The following GOLM2 variants were observed in gnomAD, a reference collection of about 807,000 sequenced individuals.
The protein encoded by GOLM2 is protein GOLM2.
Under a neutral mutation model 55.9 loss-of-function variants are expected in GOLM2, and 26 were observed. The ratio of observed to expected loss-of-function variants is 0.47; its 90% CI spans 0.34 to 0.65. The LOEUF is 0.65. GOLM2 is among the 30% of genes least tolerant of loss of function. The pLI is 0.01. For synonymous variants in GOLM2, 165 were observed against 194.6 expected, an observed-to-expected ratio of 0.85 and a Z score of 1.27; for missense variants, 486 against 531.8, an observed-to-expected ratio of 0.91 and a Z score of 0.85.
intron 8 of GOLM2, among the ~76,000 whole-genome samples, chr15:44,386,790 G>A (rs896358699): frequency 3.3e-5 from 5 of 152,154 alleles, no homozygotes; most frequent in African/African-American, 1.2e-4. Context: ...AGGATTGCTT[G>A]AGCCCAGGAG....
chr15:44,379,815 A>G (rs1469171302), intron 7 of GOLM2, 27 bp downstream of exon 7: 3 of 1,341,716 alleles, frequency 2.2e-6, no homozygotes, highest in Middle Eastern at 1.8e-4. Flanking sequence ...TTATAATTCC[A>G]TTTGAAACCA....
chr15:44,405,617 G>GT (rs1405868601), intron 9 of GOLM2, among the ~76,000 whole-genome samples: 1 of 151,462 alleles, frequency 6.6e-6, no homozygotes, highest in Admixed American at 6.6e-5. Context: ...ATTTTTGTGT[G>GT]TTTTTTTGCT....
At chr15:44,379,287 G>A (rs761239647) in intron 6 of GOLM2, among the ~76,000 whole-genome samples, 1 of 152,068 alleles carries the variant, frequency 6.6e-6, no homozygotes, top group Non-Finnish European at 1.5e-5. Context: ...GACCAGCCTG[G>A]CCAACATGGC....
intron 8 of GOLM2, among the ~76,000 whole-genome samples, chr15:44,395,159 C>T (rs1028243566): frequency 2.0e-5 from 3 of 151,242 alleles, no homozygotes; most frequent in Admixed American, 6.6e-5. Flanking sequence ...TACAGGCGCC[C>T]GCCACCACGC....
At chr15:44,389,033 A>G (rs62024133) in intron 8 of GOLM2, among the ~76,000 whole-genome samples, 1 of 151,538 alleles carries the variant, frequency 6.6e-6, no homozygotes. Flanking sequence ...TAGCCAGGAT[A>G]GTCTTGATCT....
chr15:44,310,697 C>A (rs2078869633), intron 1 of GOLM2, among the ~76,000 whole-genome samples: 1 of 148,354 alleles, frequency 6.7e-6, no homozygotes, highest in African/African-American at 2.5e-5. Context: ...AGTACAAGAC[C>A]CTGTCTCAAT....
At position 44,375,252 on chromosome 15, in the gene GOLM2, C is replaced by T. The variant is rs192156384; in HGVS notation, c.803-4438C>T. ...GCCAGGCTGGTTTCAAACTCCTGAC[C>T]TCGTGATCCGCCCACCTCAGCCTCC... On this transcript the variant is annotated intron_variant, in intron 6 of 9. Coordinates refer to ENST00000299957, the MANE Select transcript of GOLM2 (RefSeq NM_138423.4). 5.4e-3 allele frequency among the ~76,000 whole-genome samples: 822 copies of T among 152,232 alleles called. 4 individuals carry two copies. The highest frequency in any genetic ancestry group is 7.7e-3 in the Non-Finnish European group (521 of 68,014).
intron 4 of GOLM2, among the ~76,000 whole-genome samples, chr15:44,334,404 A>C (rs1464486070): frequency 6.6e-6 from 1 of 152,174 alleles, no homozygotes; most frequent in African/African-American, 2.4e-5. Flanking sequence ...TTTTTGTTTT[A>C]TTAATTTTAA....
At chr15:44,367,070 C>CA (rs905010748) in intron 6 of GOLM2, among the ~76,000 whole-genome samples, 50 of 152,020 alleles carry the variant, frequency 3.3e-4, no homozygotes, top group African/African-American at 1.2e-3. Context: ...GGCAAACTAC[C>CA]AGGTGGCCAT....
intron 8 of GOLM2, among the ~76,000 whole-genome samples, chr15:44,398,009 T>C (rs2079539076): frequency 6.6e-6 from 1 of 152,236 alleles, no homozygotes; most frequent in African/African-American, 2.4e-5. Flanking sequence ...CTAGTGTAAG[T>C]CCTCATAGCT....
chr15:44,407,747 G>A (rs1020667427), intron 9 of GOLM2, among the ~76,000 whole-genome samples: 12 of 150,188 alleles, frequency 8.0e-5, no homozygotes, highest in Non-Finnish European at 1.8e-4. Flanking sequence ...CTGCACCCAG[G>A]CGATAGAGCT....
At chr15:44,388,516 A>T (rs376806404) in intron 8 of GOLM2, among the ~76,000 whole-genome samples, 3 of 152,120 alleles carry the variant, frequency 2.0e-5, no homozygotes. Context: ...TCTACAAAAG[A>T]TACAAAAATT....
At chr15:44,363,396 C>T (rs1595649550) in intron 6 of GOLM2, among the ~76,000 whole-genome samples, 3 of 152,186 alleles carry the variant, frequency 2.0e-5, no homozygotes, top group South Asian at 2.1e-4. Flanking sequence ...CATGAACAGA[C>T]ACTTCTCAAA....
intron 8 of GOLM2, among the ~76,000 whole-genome samples, chr15:44,397,353 C>T (rs1299352303): frequency 6.6e-6 from 1 of 151,792 alleles, no homozygotes; most frequent in Non-Finnish European, 1.5e-5. Context: ...GTGGTGGGCG[C>T]CTGTAGTCCC....
chr15:44,354,704 G>T (rs2079186457), intron 6 of GOLM2: 2 of 165,172 alleles, frequency 1.2e-5, no homozygotes, highest in African/African-American at 2.4e-5. Flanking sequence ...TGGTGAAATT[G>T]AAGGTTGTAG....
At chr15:44,296,819 A>AT (rs2141106240) in intron 1 of GOLM2, among the ~76,000 whole-genome samples, 1 of 152,190 alleles carries the variant, frequency 6.6e-6, no homozygotes, top group Non-Finnish European at 1.5e-5. Flanking sequence ...GGCTCCTCCC[A>AT]TAGGTGTCTT....
intron 6 of GOLM2, among the ~76,000 whole-genome samples, chr15:44,371,971 A>T (rs1404558812): frequency 1.3e-5 from 2 of 152,150 alleles, no homozygotes; most frequent in Non-Finnish European, 2.9e-5. Flanking sequence ...AAATATTCTC[A>T]CTTAGTCCCC....
At chr15:44,395,501 G>T (rs748766787) in intron 8 of GOLM2, among the ~76,000 whole-genome samples, 3 of 144,518 alleles carry the variant, frequency 2.1e-5, no homozygotes, top group African/African-American at 7.6e-5. Flanking sequence ...TTTTCTACTG[G>T]TTTTTTTTTT....
intron 1 of GOLM2, among the ~76,000 whole-genome samples, chr15:44,309,549 G>A (rs563563495): frequency 1.3e-5 from 2 of 152,232 alleles, no homozygotes; most frequent in Admixed American, 1.3e-4. Flanking sequence ...AAGGCTAAAA[G>A]CTAAAGACTT....
Sources: allele counts gnomAD v4.1 joint callset (sites outside exome capture counted in the v4.1 genomes callset), GRCh38; gene constraint gnomAD v4.1.1; transcripts MANE v1.5; gene names NCBI Gene and HGNC (gene_info 2026-07-23, HGNC 2026-07-21).